The following MRTFB variants were observed in gnomAD, a reference collection of about 807,000 sequenced individuals.
MRTFB encodes the protein myocardin related transcription factor B.
In MRTFB, 29 loss-of-function variants were observed where a neutral mutation model predicts 104.2. The ratio of observed to expected loss-of-function variants is 0.28; its 90% CI spans 0.21 to 0.38. The LOEUF (loss-of-function observed/expected upper bound fraction) is 0.38. Among genes scored for constraint, MRTFB ranks in the 10% least tolerant of loss-of-function variants. The pLI is 1.00. For synonymous variants in MRTFB, 535 were observed against 519.5 expected (o/e 1.03, Z -0.41); for missense variants, 1,270 against 1,341.6 (o/e 0.95, Z 0.83).
chr16:14,099,485 C>T lies in MRTFB; in HGVS notation c.-64+20131C>T, dbSNP rs796124053. Reference sequence around the variant, plus strand: ...CCGCCTCCTTGGCTCAAGTGGTCCTCCTAAGAAGCTGGAACCACAGGTGCA... The same window carrying T: ...CCGCCTCCTTGGCTCAAGTGGTCCTTCTAAGAAGCTGGAACCACAGGTGCA... On this transcript the variant is annotated intron_variant, in intron 2 of 16. Transcript: ENST00000571589. 1.1e-3 allele frequency among the ~76,000 whole-genome samples: 172 copies of T among 150,126 alleles called. 2 individuals are homozygous for T. The highest frequency in any genetic ancestry group is 4.2e-3 in the African/African-American group (170 of 40,816).
At chr16:14,150,268 C>A (rs79186740) in intron 3 of MRTFB, among the ~76,000 whole-genome samples, 4 of 152,156 alleles carry the variant, frequency 2.6e-5, no homozygotes, top group African/African-American at 9.7e-5. Flanking sequence ...TAATCTAAAT[C>A]AAGTATAGAG....
At chr16:14,034,555 A>C in the MRTFB span, among the ~76,000 whole-genome samples, 4 of 148,850 alleles carry the variant, frequency 2.7e-5, no homozygotes, top group African/African-American at 5.0e-5. Flanking sequence ...CAGAGGTTGC[A>C]GTGAGTGGAG....
At chr16:14,148,290 TTTAC>T (rs1252049207) in intron 3 of MRTFB, among the ~76,000 whole-genome samples, 1 of 152,152 alleles carries the variant, frequency 6.6e-6, no homozygotes, top group African/African-American at 2.4e-5. Context: ...TGGGGCTCCG[TTTAC>T]TTATGTCTGC....
At chr16:14,078,610 T>A (rs2034209914) in intron 1 of MRTFB, among the ~76,000 whole-genome samples, 1 of 151,446 alleles carries the variant, frequency 6.6e-6, no homozygotes, top group African/African-American at 2.4e-5. Flanking sequence ...TTTTTTTTTT[T>A]TAAAGAGACG....
At chr16:14,027,297 A>G in the MRTFB span, among the ~76,000 whole-genome samples, 11 of 152,320 alleles carry the variant, frequency 7.2e-5, no homozygotes, top group South Asian at 1.9e-3. Flanking sequence ...TATGTTCTAT[A>G]TGATTCCATT....
the MRTFB span, among the ~76,000 whole-genome samples, chr16:13,999,705 A>C: frequency 6.6e-6 from 1 of 152,074 alleles, no homozygotes; most frequent in Non-Finnish European, 1.5e-5. Context: ...GAGATGGAGA[A>C]CGCTGTGTCC....
the MRTFB span, among the ~76,000 whole-genome samples, chr16:13,997,494 C>T: frequency 2.6e-5 from 4 of 152,118 alleles, no homozygotes; most frequent in East Asian, 5.8e-4. Context: ...TTTACAAGGA[C>T]ATTCAGAAAA....
At chr16:14,101,506 T>C (rs2035700598) in intron 2 of MRTFB, among the ~76,000 whole-genome samples, 1 of 152,252 alleles carries the variant, frequency 6.6e-6, no homozygotes, top group Non-Finnish European at 1.5e-5. Context: ...TCTTGGTTGC[T>C]GTATTGTGAA....
intron 15 of MRTFB, 81 bp downstream of exon 15, chr16:14,252,583 C>A: frequency 6.9e-7 from 1 of 1,455,154 alleles, no homozygotes; most frequent in Non-Finnish European, 9.2e-7. Flanking sequence ...ATACAGAATC[C>A]CTTGTCTGAA....
At chr16:14,250,549 G>T (rs900206750) in intron 13 of MRTFB, among the ~76,000 whole-genome samples, 18 of 152,210 alleles carry the variant, frequency 1.2e-4, no homozygotes, top group African/African-American at 4.3e-4. Context: ...TGTATTTGAA[G>T]ACATTTTCAA....
chr16:14,263,975 G>A lies in MRTFB; in HGVS notation c.*2531G>A, dbSNP rs1376459070. On this transcript the variant is annotated 3_prime_UTR_variant, in exon 17 of 17. Coordinates refer to ENST00000571589, the MANE Select transcript of MRTFB (RefSeq NM_001308142.2). Reference sequence around the variant, plus strand: ...GGACGCGCTATGTGCTCACACTCATGTGACATGACCAAAGATGATACTCTG... The same window carrying A: ...GGACGCGCTATGTGCTCACACTCATATGACATGACCAAAGATGATACTCTG... 2.0e-5 allele frequency: 3 copies of A among 152,182 alleles called. No individual in the cohort carries two copies. The highest frequency in any genetic ancestry group is 7.2e-5 in the African/African-American group (3 of 41,424). The allele number at this position is 152,182 out of a possible 1,614,324, so 9.4% of individuals were successfully genotyped here.
Position 14,251,724 on chromosome 16 carries a change from A to T in MRTFB, c.2404-138A>T, listed in dbSNP as rs1208442817. 369 of 828,856 alleles carry T rather than the reference A, an allele frequency of 4.5e-4. 3 individuals are homozygous for T. Among genetic ancestry groups the T allele is most frequent in the Non-Finnish European group, 1.3e-5 (7 of 536,060 alleles). 51.3% of individuals were successfully genotyped at this position (828,856 alleles called of 1,614,324 possible). A position where few individuals can be genotyped will look rare whatever the true frequency, so the allele number is the denominator to read the frequency against. On this transcript the variant is annotated intron_variant, in intron 13 of 16. Transcript: ENST00000571589. ...AAGTGGTAACAACAGAGGCCAGGTG[A>T]CCCACAAATCATAAGCTATATACTC...
rs149465824 is a variant in MRTFB, at chr16:14,209,195, C to T, written c.155-1048C>T. ...GTTTTATTGCAAGGAGGAGACACCA[C>T]GTGCACTGCATTTGAGCCTCTCATT... On this transcript the variant is annotated intron_variant, in intron 3 of 16. Transcript: ENST00000571589. 9.4e-3 allele frequency among the ~76,000 whole-genome samples: 1,436 copies of T among 152,316 alleles called. 10 individuals carry two copies. Among genetic ancestry groups the T allele is most frequent in the Non-Finnish European group, 0.015 (1,012 of 68,016 alleles).
the MRTFB span, among the ~76,000 whole-genome samples, chr16:14,024,731 C>A: frequency 6.6e-6 from 1 of 152,062 alleles, no homozygotes; most frequent in Non-Finnish European, 1.5e-5. Flanking sequence ...AAGTGTAAAA[C>A]TTCTATCTCT....
chr16:14,247,633 A>G, intron 12 of MRTFB, 126 bp downstream of exon 12: 1 of 803,700 alleles, frequency 1.2e-6, no homozygotes, highest in Non-Finnish European at 1.9e-6. Context: ...GAGAAAACGT[A>G]TGCATGTGTG....
At chr16:14,098,961 C>T (rs917650444) in intron 2 of MRTFB, among the ~76,000 whole-genome samples, 2 of 152,210 alleles carry the variant, frequency 1.3e-5, no homozygotes, top group African/African-American at 4.8e-5. Context: ...CAGTACCACA[C>T]TGTCTTAATT....
At chr16:14,124,957 C>T (rs544098168) in intron 2 of MRTFB, among the ~76,000 whole-genome samples, 12 of 152,252 alleles carry the variant, frequency 7.9e-5, no homozygotes, top group South Asian at 6.2e-4. Context: ...GTGTTTTCTG[C>T]GTACCTTGCT....
intron 3 of MRTFB, among the ~76,000 whole-genome samples, chr16:14,175,389 TG>T (rs2039547117): frequency 6.6e-6 from 1 of 152,238 alleles, no homozygotes; most frequent in Admixed American, 6.5e-5. Flanking sequence ...GTGTTCTTTT[TG>T]TCTGCTTCAT....
intron 2 of MRTFB, among the ~76,000 whole-genome samples, chr16:14,110,096 C>T (rs2036193977): frequency 6.6e-6 from 1 of 152,184 alleles, no homozygotes; most frequent in Non-Finnish European, 1.5e-5. Context: ...GAAATATGGA[C>T]TTACTAGAAA....
Sources: gnomAD v4.1 joint callset for allele counts (sites outside exome capture counted in the v4.1 genomes callset) on GRCh38, gnomAD v4.1.1 for gene constraint, MANE v1.5 for transcripts, NCBI Gene and HGNC (gene_info 2026-07-23, HGNC 2026-07-21) for gene names.